Variants in KCNQ3 observed in about 807,000 individuals in gnomAD.
The protein encoded by KCNQ3 is potassium voltage-gated channel subfamily Q member 3.
Under a neutral mutation model 92.5 loss-of-function variants are expected in KCNQ3, and 30 were observed. The ratio of observed to expected loss-of-function variants is 0.32; its 90% CI spans 0.24 to 0.44. KCNQ3 has a LOEUF of 0.44. Ranked by LOEUF, KCNQ3 falls within the 20% of genes least tolerant of loss-of-function variation. The pLI is 1.00. For missense variants in KCNQ3, 913 were observed against 1,140.3 expected, an observed-to-expected ratio of 0.80 and a Z score of 2.87; for synonymous variants, 450 against 468.8, an observed-to-expected ratio of 0.96 and a Z score of 0.52.
rs982463681 is a variant in KCNQ3, at chr8:132,343,244, C to T, written c.386+136903G>A. ...CATGTCACTTATTCATTCTTTATTA[C>T]AGTTTTATTGAGAGTACACTGTGTT... On this transcript the variant is annotated intron_variant, in intron 1 of 14. Transcript: ENST00000388996. Among the ~76,000 whole-genome samples, 45 of 152,206 alleles carry T rather than the reference C, an allele frequency of 3.0e-4. 1 individual carries two copies. Among genetic ancestry groups the T allele is most frequent in the Non-Finnish European group, 5.9e-5 (4 of 68,034 alleles).
chr8:132,420,296 T>C (rs1432050855), intron 1 of KCNQ3, among the ~76,000 whole-genome samples: 2 of 152,152 alleles, frequency 1.3e-5, no homozygotes, highest in African/African-American at 4.8e-5. Context: ...TTTGGAGGGA[T>C]GCATTCAGTC....
At chr8:132,203,007 GC>G (rs1827508938) in intron 1 of KCNQ3, among the ~76,000 whole-genome samples, 1 of 152,156 alleles carries the variant, frequency 6.6e-6, no homozygotes, top group Non-Finnish European at 1.5e-5. Context: ...AGTTCTGGAG[GC>G]TGGGAAGTCC....
intron 1 of KCNQ3, among the ~76,000 whole-genome samples, chr8:132,441,171 G>C (rs1419496246): frequency 6.6e-6 from 1 of 152,238 alleles, no homozygotes; most frequent in African/African-American, 2.4e-5. Flanking sequence ...GACCTCAAAA[G>C]TAGGTTGATG....
intron 1 of KCNQ3, among the ~76,000 whole-genome samples, chr8:132,295,629 A>C (rs1331455150): frequency 4.6e-5 from 7 of 152,266 alleles, no homozygotes; most frequent in African/African-American, 1.4e-4. Context: ...ACATGGAATA[A>C]GCCCAAATGC....
chr8:132,402,189 C>G (rs1820355919), intron 1 of KCNQ3, among the ~76,000 whole-genome samples: 1 of 152,184 alleles, frequency 6.6e-6, no homozygotes, highest in African/African-American at 2.4e-5. Context: ...GGCCACAGCA[C>G]TTCCATCTTG....
At chr8:132,468,885 T>C (rs1019838161) in intron 1 of KCNQ3, among the ~76,000 whole-genome samples, 3 of 152,194 alleles carry the variant, frequency 2.0e-5, no homozygotes, top group East Asian at 1.9e-4. Context: ...TACTTAGTCA[T>C]ACACTACATG....
chr8:132,156,584 G>A (rs753230908), intron 9 of KCNQ3, among the ~76,000 whole-genome samples: 3 of 152,070 alleles, frequency 2.0e-5, no homozygotes, highest in Non-Finnish European at 2.9e-5. Context: ...AGTGGTGTAG[G>A]GGGATAATAC....
intron 1 of KCNQ3, among the ~76,000 whole-genome samples, chr8:132,287,267 G>A (rs1013762263): frequency 6.6e-6 from 1 of 152,178 alleles, no homozygotes; most frequent in Non-Finnish European, 1.5e-5. Context: ...CCTTTAAGGG[G>A]CAGTGTAATT....
intron 1 of KCNQ3, among the ~76,000 whole-genome samples, chr8:132,401,026 T>G (rs1820318727): frequency 6.6e-6 from 1 of 152,144 alleles, no homozygotes; most frequent in Non-Finnish European, 1.5e-5. Context: ...AAACCTGGAC[T>G]TAGTTTCACA....
intron 1 of KCNQ3, among the ~76,000 whole-genome samples, chr8:132,312,331 AT>A (rs1817618560): frequency 6.6e-6 from 1 of 152,204 alleles, no homozygotes. Flanking sequence ...GTGCTGCTTT[AT>A]GAATCAGCAG....
intron 1 of KCNQ3, among the ~76,000 whole-genome samples, chr8:132,311,862 C>T (rs1156472863): frequency 2.0e-5 from 3 of 152,054 alleles, no homozygotes; most frequent in Non-Finnish European, 4.4e-5. Flanking sequence ...CAGAATGTGA[C>T]CTTATTTGGA....
chr8:132,306,643 A>G lies in KCNQ3; in HGVS notation c.387-120462T>C, dbSNP rs1158327603. Among the ~76,000 whole-genome samples the G allele has an allele frequency of 3.9e-5, 6 of 152,238 alleles. No homozygotes were observed. The East Asian group carries it at 1.2e-3, about 29-fold the overall frequency. ...AAAAGGGGACAACACTATAGGAAGCAGGCAAGCTAGCAAGAGTCAGTAAGA... is the reference window on the plus strand; with the variant it reads ...AAAAGGGGACAACACTATAGGAAGCGGGCAAGCTAGCAAGAGTCAGTAAGA... On this transcript the variant is annotated intron_variant, in intron 1 of 14. Transcript: ENST00000388996.
chr8:132,312,982 T>C (rs1360727792), intron 1 of KCNQ3, among the ~76,000 whole-genome samples: 1 of 152,230 alleles, frequency 6.6e-6, no homozygotes. Flanking sequence ...AAAACCATTG[T>C]CTGTGAGGCT....
chr8:132,200,827 G>A (rs1478031462), intron 1 of KCNQ3, among the ~76,000 whole-genome samples: 1 of 152,082 alleles, frequency 6.6e-6, no homozygotes, highest in African/African-American at 2.4e-5. Context: ...CTAAGTCAAC[G>A]GCTTGTTTGA....
chr8:132,324,131 A>G lies in KCNQ3; in HGVS notation c.387-137950T>C, dbSNP rs546734225. ...CCTCTGGATAATTTCAATCTGAAAT[A>G]TCCTTCAAGCCATTCAATACCATGT... On this transcript the variant is annotated intron_variant, in intron 1 of 14. Transcript: ENST00000388996. 2.0e-5 allele frequency among the ~76,000 whole-genome samples: 3 copies of G among 152,306 alleles called. No homozygotes were observed. In the East Asian group the frequency reaches 5.8e-4, roughly 29 times the overall value.
intron 1 of KCNQ3, among the ~76,000 whole-genome samples, chr8:132,330,349 T>A (rs1818193549): frequency 1.3e-5 from 2 of 152,254 alleles, no homozygotes. Flanking sequence ...TACTTCATTA[T>A]GGCCATCTCA....
chr8:132,396,555 CA>C (rs1820199083), intron 1 of KCNQ3, among the ~76,000 whole-genome samples: 4 of 151,994 alleles, frequency 2.6e-5, no homozygotes, highest in Admixed American at 6.5e-5. Context: ...CCTGGTAGTT[CA>C]AAAATCTAGA....
At chr8:132,224,519 C>A (rs1251443550) in intron 1 of KCNQ3, among the ~76,000 whole-genome samples, 1 of 152,128 alleles carries the variant, frequency 6.6e-6, no homozygotes, top group East Asian at 1.9e-4. Flanking sequence ...TTGGTCTCCA[C>A]TGGTGAGATC....
At chr8:132,309,900 C>G (rs1473304534) in intron 1 of KCNQ3, among the ~76,000 whole-genome samples, 1 of 152,198 alleles carries the variant, frequency 6.6e-6, no homozygotes, top group Non-Finnish European at 1.5e-5. Context: ...TGGTCAGATA[C>G]CCCGTCACCA....
Sources: gnomAD v4.1 joint callset for allele counts (sites outside exome capture counted in the v4.1 genomes callset) on GRCh38, gnomAD v4.1.1 for gene constraint, MANE v1.5 for transcripts, NCBI Gene and HGNC (gene_info 2026-07-23, HGNC 2026-07-21) for gene names.